The following NWD1 variants were observed in gnomAD, a reference collection of about 807,000 sequenced individuals.
NWD1 encodes NACHT domain- and WD repeat-containing protein 1.
A neutral mutation model predicts 135.1 loss-of-function variants in NWD1; 129 were observed. That is an observed-to-expected ratio of 0.96 (90% CI 0.83 to 1.11). The LOEUF (loss-of-function observed/expected upper bound fraction) is 1.11. Ranked by LOEUF, NWD1 falls within the 50% of genes least tolerant of loss-of-function variation. The pLI is 0.00. For synonymous variants in NWD1, 773 were observed against 786.0 expected, an observed-to-expected ratio of 0.98 and a Z score of 0.28; for missense variants, 1,740 against 1,851.3, an observed-to-expected ratio of 0.94 and a Z score of 1.10.
chr19:16,754,462 TTCCATCCATCCATCCATCCA>T (rs59776692), intron 6 of NWD1, among the ~76,000 whole-genome samples: 7 of 128,846 alleles, frequency 5.4e-5, no homozygotes, highest in Non-Finnish European at 9.7e-5. Context: ...CATCTCTATT[TTCCATCCATCCATCCATCCA>T]TCCATCCATC....
chr19:16,767,771 A>T lies in NWD1; in HGVS notation c.2410+2579A>T, dbSNP rs150759890. On this transcript the variant is annotated intron_variant, in intron 10 of 18. Transcript: ENST00000524140. The stretch of plus-strand genomic sequence containing the variant: ...AATTCAAGATGAGATTTGGGTAGGG[A>T]CACAGAGCCAACCCATATCTCTCCC... 8.6e-3 allele frequency among the ~76,000 whole-genome samples: 1,301 copies of T among 152,070 alleles called. 12 individuals carry two copies. Among genetic ancestry groups the T allele is most frequent in the African/African-American group, 0.029 (1,214 of 41,484 alleles).
At chr19:16,752,325 T>G (rs1250549936) in intron 6 of NWD1, among the ~76,000 whole-genome samples, 1 of 152,166 alleles carries the variant, frequency 6.6e-6, no homozygotes, top group Non-Finnish European at 1.5e-5. Context: ...GCCTGTTTCT[T>G]TGCCAGAAAT....
At chr19:16,784,451 A>G (rs1375333197) in intron 12 of NWD1, among the ~76,000 whole-genome samples, 1 of 152,100 alleles carries the variant, frequency 6.6e-6, no homozygotes, top group Admixed American at 6.6e-5. Context: ...ACTATTTCGT[A>G]TAAGGCACTG....
rs138297508 is a variant in NWD1, at chr19:16,750,377, G to C, written c.1735G>C (p.Val579Leu). 6.2e-7 allele frequency: 1 copy of C among 1,600,406 alleles called. No homozygotes were observed. Residue 579 changes from valine (V) to leucine (L), a missense_variant, in exon 6 of 19, where the codon GTG (valine) becomes CTG (leucine). Transcript: ENST00000524140. Reference sequence around the variant, plus strand: ...GGAGCAGACACACGGGCAGCTCCTCGTGGCCCACGTGCTGGGCTACATTGT... The same window carrying C: ...GGAGCAGACACACGGGCAGCTCCTCCTGGCCCACGTGCTGGGCTACATTGT... ...RLEQTHGQLL[V>L]AHVLGYIVSS...
rs752839067 is a variant in NWD1 at position 16,750,174 on chromosome 19, C to T, written c.1532C>T (p.Ala511Val). The T allele has an allele frequency of 6.2e-7, 1 of 1,613,580 alleles. No individual in the cohort carries two copies. The highest frequency in any genetic ancestry group is 1.1e-5 in the South Asian group (1 of 91,022). ...ATGATCCAACTCCTGCTGGCAGCTG[C>T]AAGGAGGACGCTGAGCCCGGTGCAC... Reference protein sequence around the residue: ...QQMIQLLLAAARRTLSPVHTD... With the variant: ...QQMIQLLLAAVRRTLSPVHTD... Residue 511 changes from alanine to valine, a missense_variant, in exon 6 of 19, where the codon GCA (alanine) becomes GTA (valine). Ala to Val is a moderately conservative substitution (Grantham distance 64). Transcript: ENST00000524140.
intron 7 of NWD1, among the ~76,000 whole-genome samples, chr19:16,760,437 T>A (rs1174403694): frequency 6.6e-6 from 1 of 151,636 alleles, no homozygotes; most frequent in African/African-American, 2.4e-5. Flanking sequence ...TTTTAAATTT[T>A]TTTGTGGAGA....
chr19:16,779,207 G>A (rs1969767687), intron 11 of NWD1, 136 bp from the exon 12 acceptor site: 1 of 941,056 alleles, frequency 1.1e-6, no homozygotes, highest in Non-Finnish European at 1.7e-6. Context: ...TTGCTGTGCA[G>A]CTTTGGGCAA....
chr19:16,782,533 A>G lies in NWD1; in HGVS notation c.2731+3068A>G, dbSNP rs199988216. On this transcript the variant is annotated intron_variant, in intron 12 of 18. Transcript: ENST00000524140. ...GTCTAAAGAGCTGAATCAAATTTCT[A>G]TTAGAGATGACATATTCAAATTTTT... Among the ~76,000 whole-genome samples, 4 of 152,216 alleles carry G rather than the reference A, an allele frequency of 2.6e-5. No homozygotes were observed. In the East Asian group the frequency reaches 5.8e-4, roughly 22 times the overall value.
chr19:16,793,273 T>C (rs866507251), intron 14 of NWD1, among the ~76,000 whole-genome samples: 1 of 152,146 alleles, frequency 6.6e-6, no homozygotes, highest in South Asian at 2.1e-4. Flanking sequence ...TTACTTTATC[T>C]CTCAGGCGGG....
rs148398303 is a variant in NWD1 at position 16,798,364 on chromosome 19, C to T, written c.3459+478C>T. ...GTGGCTCATGCCTGTAATCCCAGCA[C>T]TTTGGAAGGCCAAGGCAGGTGGATC... On this transcript the variant is annotated intron_variant, in intron 16 of 18. Transcript: ENST00000524140. Among the ~76,000 whole-genome samples, 1,371 of 152,196 alleles carry T rather than the reference C, an allele frequency of 9.0e-3. 30 individuals are homozygous for T. Among genetic ancestry groups the T allele is most frequent in the African/African-American group, 0.032 (1,318 of 41,534 alleles).
At chr19:16,812,198 C>T (rs1970945272) in intron 18 of NWD1, among the ~76,000 whole-genome samples, 1 of 151,784 alleles carries the variant, frequency 6.6e-6, no homozygotes, top group Admixed American at 6.6e-5. Context: ...ATCCCTGCTA[C>T]TTGAGAGGTT....
At chr19:16,786,654 T>C (rs1970050361) in intron 12 of NWD1, among the ~76,000 whole-genome samples, 1 of 151,984 alleles carries the variant, frequency 6.6e-6, no homozygotes, top group Non-Finnish European at 1.5e-5. Flanking sequence ...TCAAGCGAGT[T>C]TCCTGCCTCA....
At chr19:16,802,374 C>A (rs4563153) in intron 17 of NWD1, among the ~76,000 whole-genome samples, 1 of 150,074 alleles carries the variant, frequency 6.7e-6, no homozygotes, top group Non-Finnish European at 1.5e-5. Flanking sequence ...GCAGGATGAT[C>A]GCTTGAGCCC....
chr19:16,757,234 G>T (rs1315417872), intron 6 of NWD1, among the ~76,000 whole-genome samples: 3 of 152,106 alleles, frequency 2.0e-5, no homozygotes, highest in African/African-American at 7.2e-5. Flanking sequence ...GGGGACTGCT[G>T]CCCTACAACA....
intron 11 of NWD1, among the ~76,000 whole-genome samples, chr19:16,773,590 C>T (rs993451426): frequency 2.0e-5 from 3 of 152,122 alleles, no homozygotes; most frequent in African/African-American, 7.2e-5. Flanking sequence ...GGGATTGGTG[C>T]CCATCTGACA....
In NWD1 at chr19:16,749,981, C is replaced by T. The variant is rs1202156099; in HGVS notation, c.1339C>T (p.His447Tyr). ...TATGGATGACCTGGACTCTGTCCGC[C>T]ATGCTCGGAGGGTTCCCTGGCTGCC... is the stretch of plus-strand genomic sequence containing the variant. Reference protein sequence around the residue: ...DAMDDLDSVRHARRVPWLPLN... With the variant: ...DAMDDLDSVRYARRVPWLPLN... The change falls in exon 6 of 19, where the codon CAT becomes TAT. Residue 447 changes from histidine (H) to tyrosine (Y), a missense_variant. Transcript: ENST00000524140. 6.2e-7 allele frequency: 1 copy of T among 1,613,910 alleles called. No individual in the cohort carries two copies. The highest frequency in any genetic ancestry group is 1.7e-5 in the Admixed American group (1 of 60,016).
In NWD1 at chr19:16,815,232, T is replaced by C; in HGVS notation, c.*193T>C. ...AAATCCAGGCAGAGAGAGGAGCTAG[T>C]TGCAGCTGCAGGAGCTCCCCAGGAC... On this transcript the variant is annotated 3_prime_UTR_variant, in exon 19 of 19. Coordinates refer to ENST00000524140, the MANE Select transcript of NWD1 (RefSeq NM_001007525.5). 1.3e-6 allele frequency: 1 copy of C among 788,638 alleles called. No homozygotes were observed. Among genetic ancestry groups the C allele is most frequent in the Non-Finnish European group, 2.4e-6 (1 of 425,112 alleles). 48.9% of individuals were successfully genotyped at this position (788,638 alleles called of 1,614,324 possible).
At position 16,749,377 on chromosome 19, in the gene NWD1, G is replaced by C. The variant is rs767040114; in HGVS notation, c.735G>C (p.Pro245=). 4 of 1,613,620 alleles carry C rather than the reference G, an allele frequency of 2.5e-6. No individual in the cohort carries two copies. In the South Asian group the frequency reaches 4.4e-5, roughly 18 times the overall value. Residue 245 remains proline, a synonymous_variant, in exon 6 of 19, where the codon CCG becomes CCC. Transcript: ENST00000524140. ...GGGTCCTCAAGACCCACCGCCTGCCGTGGAGCCGCGACTTGGTGAACCCCA... is the reference window on the plus strand; with the variant it reads ...GGGTCCTCAAGACCCACCGCCTGCCCTGGAGCCGCGACTTGGTGAACCCCA... ...HPGVLKTHRL[P]WSRDLVNPKN...
intron 15 of NWD1, among the ~76,000 whole-genome samples, 185 bp downstream of exon 15, chr19:16,794,738 T>A (rs1970364280): frequency 6.6e-6 from 1 of 152,210 alleles, no homozygotes; most frequent in Non-Finnish European, 1.5e-5. Context: ...AAGACTCAAC[T>A]CTGCAGTTGT....
Sources: allele counts gnomAD v4.1 joint callset (sites outside exome capture counted in the v4.1 genomes callset), GRCh38; gene constraint gnomAD v4.1.1; transcripts MANE v1.5; gene names NCBI Gene and HGNC (gene_info 2026-07-23, HGNC 2026-07-21).